ERAP2: variants seen among roughly 807,000 people sequenced by gnomAD.
ERAP2 encodes the protein leukocyte-derived arginine aminopeptidase.
Under a neutral mutation model 111.1 loss-of-function variants are expected in ERAP2, and 118 were observed. The ratio of observed to expected loss-of-function variants is 1.06; its 90% confidence interval spans 0.92 to 1.24. ERAP2 has a LOEUF of 1.24. Among genes scored for constraint, ERAP2 ranks in the 50% most tolerant of loss-of-function variants. The probability of loss-of-function intolerance (pLI) is 0.00; values close to 1 mark genes in which losing one functional copy is unlikely to be tolerated. For missense variants in ERAP2, 1,131 were observed against 1,125.8 expected, an observed-to-expected ratio of 1.00 and a Z score of -0.07; for synonymous variants, 410 against 401.2, an observed-to-expected ratio of 1.02 and a Z score of -0.26.
At chr5:96,915,897 A>C (rs1395765658) in intron 18 of ERAP2, 128 bp downstream of exon 18, 1 of 699,524 alleles carries the variant, frequency 1.4e-6, no homozygotes, top group Non-Finnish European at 2.3e-6. Context: ...GTCCAATGCC[A>C]TATAGCAAGT....
chr5:96,916,519 T>G (rs1787414196), intron 18 of ERAP2, among the ~76,000 whole-genome samples: 3 of 146,958 alleles, frequency 2.0e-5, no homozygotes. Flanking sequence ...TGGAGTGCAG[T>G]GGCTTGCGAT....
rs142006181 is a variant in ERAP2, at chr5:96,880,609, A to T, written c.575+349A>T. ...GAGTCTTCATCTGGGACCAGAAGGA[A>T]ATGTAAGTGAGACTGGGATTGGGAG... On this transcript the variant is annotated intron_variant, in intron 2 of 18. Coordinates refer to ENST00000437043, the MANE Select transcript of ERAP2 (RefSeq NM_022350.5). 3.0e-3 allele frequency among the ~76,000 whole-genome samples: 453 copies of T among 152,362 alleles called. 3 individuals carry two copies. The highest frequency in any genetic ancestry group is 0.01 in the African/African-American group (436 of 41,580).
At chr5:96,884,054 CTATCTATCT>C in intron 3 of ERAP2, 124 bp downstream of exon 3, 1 of 583,596 alleles carries the variant, frequency 1.7e-6, no homozygotes, top group Non-Finnish European at 2.9e-6. Flanking sequence ...ATCTATCTAT[CTATCTATCT>C]ATCTATCTAT....
Position 96,883,920 on chromosome 5 carries a change from A to G in ERAP2, c.704A>G (p.Asn235Ser), listed in dbSNP as rs752188887. The G allele has an allele frequency of 1.2e-6, 2 of 1,605,570 alleles. No homozygotes were observed. Among genetic ancestry groups the G allele is most frequent in the Non-Finnish European group, 1.7e-6 (2 of 1,176,926 alleles). ...RRESRHIALS[N>S]MPKVKTIELE... ...GAGAGCAGGCATATTGCACTATCCA[A>G]CATGCCAAAGGTATGTCCACTTCCA... The change falls in exon 3 of 19, where the codon AAC becomes AGC. Residue 235 changes from asparagine (N) to serine (S), a missense_variant. By Grantham distance (46) the Asn-to-Ser change is conservative. Around this residue, in one of 3 missense-constraint regions of ERAP2, gnomAD observed 847 missense variants for 856.5 expected, o/e 0.99. Coordinates refer to ENST00000437043, the MANE Select transcript of ERAP2 (RefSeq NM_022350.5).
At chr5:96,891,820 T>A (rs547238657) in intron 5 of ERAP2, among the ~76,000 whole-genome samples, 1 of 152,276 alleles carries the variant, frequency 6.6e-6, no homozygotes. Flanking sequence ...ACTATAGAGA[T>A]GGCTCCTAAG....
intron 2 of ERAP2, 112 bp downstream of exon 2, chr5:96,880,372 T>A: frequency 2.1e-6 from 2 of 953,570 alleles, no homozygotes; most frequent in Non-Finnish European, 3.1e-6. Flanking sequence ...CAGTGAACTA[T>A]GGGGAACCCA....
intron 6 of ERAP2, among the ~76,000 whole-genome samples, chr5:96,893,082 C>T (rs1470376021): frequency 5.3e-5 from 8 of 152,258 alleles, no homozygotes; most frequent in Non-Finnish European, 7.4e-5. Flanking sequence ...ATGATGACAA[C>T]GGCCACTACA....
chr5:96,916,658 T>A (rs1787435203), intron 18 of ERAP2, among the ~76,000 whole-genome samples: 1 of 151,564 alleles, frequency 6.6e-6, no homozygotes, highest in Non-Finnish European at 1.5e-5. Context: ...TTAGTAGAGA[T>A]GGGGTTTCAC....
At chr5:96,886,882 T>G in intron 4 of ERAP2, 93 bp downstream of exon 4, 1 of 1,166,528 alleles carries the variant, frequency 8.6e-7, no homozygotes, top group Non-Finnish European at 1.1e-6. Flanking sequence ...GTTATCAAAG[T>G]ATTATGTTTA....
chr5:96,896,991 G>A (rs1784948387), intron 9 of ERAP2, 128 bp downstream of exon 9: 1 of 349,318 alleles, frequency 2.9e-6, no homozygotes, highest in Non-Finnish European at 3.9e-6. Context: ...TGTTGTCATG[G>A]TCTATAGAAG....
intron 12 of ERAP2, chr5:96,902,945 C>G (rs746763482): frequency 2.2e-4 from 34 of 155,016 alleles, no homozygotes; most frequent in Non-Finnish European, 4.1e-4. Context: ...TTTTCCGTCA[C>G]AAAGTCATGC....
Position 96,915,818 on chromosome 5 carries a change from T to G in ERAP2, c.2739+49T>G, listed in dbSNP as rs1338639832. 4 of 1,442,826 alleles carry G rather than the reference T, an allele frequency of 2.8e-6. No individual in the cohort carries two copies. In the South Asian group the frequency reaches 3.7e-5, roughly 14 times the overall value. The allele number at this position is 1,442,826 out of a possible 1,614,324, so 89.4% of individuals were successfully genotyped here. A position where few individuals can be genotyped will look rare whatever the true frequency, so the allele number is the denominator to read the frequency against. ...AATTTCAAAATAAATGTTCAAATTG[T>G]GGAATTGAAAGTAAACTTAGATATA... On this transcript the variant is annotated intron_variant, in intron 18 of 18. Coordinates refer to ENST00000437043, the MANE Select transcript of ERAP2 (RefSeq NM_022350.5).
chr5:96,898,021 C>T (rs1785039609), intron 9 of ERAP2, among the ~76,000 whole-genome samples: 2 of 152,100 alleles, frequency 1.3e-5, no homozygotes. Flanking sequence ...ATTCGTGGAA[C>T]CCCGTCTGTA....
At position 96,903,540 on chromosome 5, in the gene ERAP2, T is replaced by C. The variant is rs1446462664; in HGVS notation, c.1992T>C (p.His664=). 1 of 1,605,322 alleles carries C rather than the reference T, an allele frequency of 6.2e-7. No individual in the cohort carries two copies. Among genetic ancestry groups the C allele is most frequent in the Non-Finnish European group, 8.5e-7 (1 of 1,177,666 alleles). Residue 664 remains histidine, a synonymous_variant, in exon 13 of 19, where the codon CAT becomes CAC. Coordinates refer to ENST00000437043, the MANE Select transcript of ERAP2 (RefSeq NM_022350.5). The part of the protein sequence containing the change: ...LRPKDRVGLI[H]DVFQLVGAGR... The stretch of plus-strand genomic sequence containing the variant: ...CTAAGGACAGAGTAGGTCTGATTCA[T>C]GATGTGTTTCAGCTAGTTGGGTAAG...
At position 96,918,690 on chromosome 5, in the gene ERAP2, C is replaced by T. The variant is rs186838577; in HGVS notation, c.*1085C>T. 2.6e-5 allele frequency: 4 copies of T among 152,118 alleles called. No homozygotes were observed. The highest frequency in any genetic ancestry group is 4.4e-5 in the Non-Finnish European group (3 of 67,992). 9.4% of individuals were successfully genotyped at this position (152,118 alleles called of 1,614,324 possible). On this transcript the variant is annotated 3_prime_UTR_variant, in exon 19 of 19. Transcript: ENST00000437043. ...TTTTTGAGATCATTCCAAATGAAGT[C>T]GAATCTGCCCTCACAGAGACACAAG...
Position 96,917,481 on chromosome 5 carries a change from C to A in ERAP2, c.2759C>A (p.Ser920Tyr). The change falls in exon 19 of 19, where the codon TCT becomes TAT. Residue 920 changes from serine (S) to tyrosine (Y), a missense_variant. By Grantham distance (144) the Ser-to-Tyr change is moderately radical. Coordinates refer to ENST00000437043, the MANE Select transcript of ERAP2 (RefSeq NM_022350.5). ...KLQEVKLFFE[S>Y]LEAQGSHLDI... ...TTACAGGTGAAACTATTTTTTGAAT[C>A]TCTTGAGGCTCAAGGATCACATCTG... 1 of 1,602,558 alleles carries A rather than the reference C, an allele frequency of 6.2e-7. No individual in the cohort carries two copies. The highest frequency in any genetic ancestry group is 8.5e-7 in the Non-Finnish European group (1 of 1,174,268).
chr5:96,881,974 G>C (rs1032984965), intron 2 of ERAP2, among the ~76,000 whole-genome samples: 11 of 99,264 alleles, frequency 1.1e-4, no homozygotes, highest in African/African-American at 4.4e-4. Flanking sequence ...CCAAGGAAGG[G>C]AAATGGGTAT....
At position 96,895,724 on chromosome 5, in the gene ERAP2, T is replaced by C. The variant is rs1056129773; in HGVS notation, c.1239+365T>C. ...GGCATGTAACCTGAAATCAACATCA[T>C]TGGGGGTGTACTTTTCTAGAATTTC... On this transcript the variant is annotated intron_variant, in intron 7 of 18. Transcript: ENST00000437043. 5.3e-5 allele frequency among the ~76,000 whole-genome samples: 8 copies of C among 152,186 alleles called. No homozygotes were observed. The East Asian group carries it at 5.8e-4, about 11-fold the overall frequency.
At chr5:96,901,807 A>AAT in intron 11 of ERAP2, 126 bp downstream of exon 11, 1 of 912,188 alleles carries the variant, frequency 1.1e-6, no homozygotes, top group East Asian at 2.6e-5. Context: ...CAAAGGCCTA[A>AAT]AGTAGACTTG....
Sources: gnomAD v4.1 joint callset for allele counts (sites outside exome capture counted in the v4.1 genomes callset) on GRCh38, gnomAD v4.1.1 for gene constraint, gnomAD v4.1.1 regional missense constraint, MANE v1.5 for transcripts, NCBI Gene and HGNC (gene_info 2026-07-23, HGNC 2026-07-21) for gene names.